CCDC18: variants seen among roughly 807,000 people sequenced by gnomAD.
The protein encoded by CCDC18 is coiled-coil domain containing 18, also known as coiled-coil domain-containing protein 18.
In CCDC18, 157 loss-of-function variants were observed where a neutral mutation model predicts 196.0. The observed-to-expected ratio is 0.80, with a 90% CI of 0.70 to 0.91. CCDC18 has a LOEUF of 0.91. Ranked by LOEUF, CCDC18 falls within the 40% of genes least tolerant of loss-of-function variation. CCDC18 has a pLI of 0.00. For missense variants in CCDC18, 1,465 were observed against 1,611.6 expected, an observed-to-expected ratio of 0.91 and a Z score of 1.56; for synonymous variants, 482 against 529.2, an observed-to-expected ratio of 0.91 and a Z score of 1.22.
At chr1:93,197,907 A>G (rs983527330) in intron 6 of CCDC18, among the ~76,000 whole-genome samples, 1 of 151,560 alleles carries the variant, frequency 6.6e-6, no homozygotes, top group African/African-American at 2.4e-5. Flanking sequence ...GCCCACCACC[A>G]TGCCTGGCTA....
chr1:93,234,973 G>GTGTGT (rs1557668666), intron 18 of CCDC18, among the ~76,000 whole-genome samples: 13 of 146,168 alleles, frequency 8.9e-5, no homozygotes, highest in East Asian at 2.0e-4. Flanking sequence ...GTGTGTGTGT[G>GTGTGT]GCTTTTCTTT....
intron 27 of CCDC18, among the ~76,000 whole-genome samples, chr1:93,265,791 A>G (rs2101375143): frequency 6.6e-6 from 1 of 152,342 alleles, no homozygotes. Context: ...CAGATTCATA[A>G]GTCAAGTCCT....
chr1:93,260,528 TG>T (rs1283911950), intron 26 of CCDC18, among the ~76,000 whole-genome samples: 1 of 152,180 alleles, frequency 6.6e-6, no homozygotes, highest in Non-Finnish European at 1.5e-5. Context: ...ATATATATGT[TG>T]TTTGAATATA....
intron 14 of CCDC18, among the ~76,000 whole-genome samples, chr1:93,220,740 C>T (rs536576517): frequency 6.6e-6 from 1 of 152,246 alleles, no homozygotes; most frequent in Admixed American, 6.5e-5. Context: ...AGGTATTGAG[C>T]CCAGCATCCA....
At chr1:93,204,239 CT>C (rs377560819) in intron 7 of CCDC18, among the ~76,000 whole-genome samples, 1 of 151,378 alleles carries the variant, frequency 6.6e-6, no homozygotes, top group Non-Finnish European at 1.5e-5. Context: ...AAGTGAGATT[CT>C]TTTTTTTAAT....
At chr1:93,203,901 A>T (rs1654269554) in intron 7 of CCDC18, among the ~76,000 whole-genome samples, 1 of 152,138 alleles carries the variant, frequency 6.6e-6, no homozygotes, top group Non-Finnish European at 1.5e-5. Flanking sequence ...ATAATCAGGG[A>T]GTCATTGGAT....
intron 9 of CCDC18, among the ~76,000 whole-genome samples, chr1:93,210,235 A>G (rs578178848): frequency 1.9e-3 from 285 of 152,310 alleles, no homozygotes; most frequent in African/African-American, 6.7e-3. Flanking sequence ...GCTCCTTTTT[A>G]TAACTGTCTT....
intron 14 of CCDC18, among the ~76,000 whole-genome samples, chr1:93,220,188 A>G (rs2102187865): frequency 6.6e-6 from 1 of 152,344 alleles, no homozygotes. Flanking sequence ...AAATTACTGC[A>G]GATTTCTCAT....
intron 26 of CCDC18, among the ~76,000 whole-genome samples, chr1:93,259,760 T>G (rs981664741): frequency 6.6e-6 from 1 of 152,224 alleles, no homozygotes; most frequent in African/African-American, 2.4e-5. Flanking sequence ...TGAATGCTGT[T>G]GGACTCAGCA....
chr1:93,190,717 C>A, intron 4 of CCDC18: 1 of 413,308 alleles, frequency 2.4e-6, no homozygotes, highest in Non-Finnish European at 4.4e-6. Flanking sequence ...TTATTGTCTT[C>A]ATAATAAAAC....
At position 93,239,321 on chromosome 1, in the gene CCDC18, T is replaced by C. The variant is rs147107883; in HGVS notation, c.2615T>C (p.Ile872Thr). 863 of 1,585,684 alleles carry C rather than the reference T, an allele frequency of 5.4e-4. 6 individuals carry two copies. The African/African-American group carries it at 8.4e-3, about 15-fold the overall frequency. The change falls in exon 20 of 29, where the codon ATT becomes ACT. Residue 872 changes from isoleucine (I) to threonine (T), a missense_variant. By Grantham distance (89) the Ile-to-Thr change is moderately conservative. Transcript: ENST00000690025. ...ELTGTARQVK[I>T]EMDQYKEELS... is the part of the protein sequence containing the mutation. ...TTGTTTTTAATTAGGCAAGTAAAGA[T>C]TGAGATGGATCAGTACAAAGAAGAG... is the stretch of plus-strand genomic sequence containing the variant.
At chr1:93,266,591 A>G (rs1664551762) in intron 27 of CCDC18, among the ~76,000 whole-genome samples, 1 of 152,216 alleles carries the variant, frequency 6.6e-6, no homozygotes, top group South Asian at 2.1e-4. Flanking sequence ...AATAGAGGCA[A>G]TAAAAAATGA....
chr1:93,258,778 C>A lies in CCDC18; in HGVS notation c.3577C>A (p.Leu1193Met). 1 of 1,577,842 alleles carries A rather than the reference C, an allele frequency of 6.3e-7. No individual in the cohort carries two copies. The highest frequency in any genetic ancestry group is 8.6e-7 in the Non-Finnish European group (1 of 1,163,610). ...TCATGGAAACCATTTAGCTGAAGAA[C>A]TGGGGGCTTCTAAAGTACGTGAAGC... ...DAHGNHLAEE[L>M]GASKVREAHL... The change falls in exon 26 of 29, where the codon CTG (leucine) becomes ATG (methionine). Residue 1193 changes from leucine (L) to methionine (M), a missense_variant. Coordinates refer to ENST00000690025, the MANE Select transcript of CCDC18 (RefSeq NM_001378204.1).
chr1:93,193,793 A>T (rs2815411), intron 6 of CCDC18, 49 bp downstream of exon 6: 1,174,571 of 1,412,146 alleles, frequency 0.83, 489,987 homozygotes, highest in East Asian at 1. Flanking sequence ...AATAAAAGGA[A>T]ATATTACCTA....
intron 26 of CCDC18, 136 bp downstream of exon 26, chr1:93,259,021 T>TA: frequency 1.4e-6 from 1 of 702,694 alleles, no homozygotes; most frequent in East Asian, 3.3e-5. Flanking sequence ...AGCCTAAACA[T>TA]ACAGCTTTCA....
intron 3 of CCDC18, among the ~76,000 whole-genome samples, chr1:93,186,061 T>C (rs1482785766): frequency 6.6e-6 from 1 of 151,918 alleles, no homozygotes; most frequent in Non-Finnish European, 1.5e-5. Flanking sequence ...TGTCTAGGGA[T>C]GATATTATTG....
Position 93,208,133 on chromosome 1 carries a change from G to A in CCDC18, c.1209+735G>A, listed in dbSNP as rs533039362. ...TCATTTCTCTTGGGTAGATACCTAG[G>A]AGTAGAATTCTTGGGTCATATGGTG... On this transcript the variant is annotated intron_variant, in intron 9 of 28. Transcript: ENST00000690025. Among the ~76,000 whole-genome samples the A allele has an allele frequency of 4.6e-5, 7 of 152,180 alleles. No individual in the cohort carries two copies. In the South Asian group the frequency reaches 1.5e-3, roughly 32 times the overall value.
intron 7 of CCDC18, 97 bp from the exon 8 acceptor site, chr1:93,205,413 T>C (rs1654558564): frequency 9.5e-7 from 1 of 1,048,714 alleles, no homozygotes; most frequent in Non-Finnish European, 1.4e-6. Context: ...CTTAGTCTAC[T>C]CTCCTGCTTA....
At position 93,239,427 on chromosome 1, in the gene CCDC18, G is replaced by C; in HGVS notation, c.2721G>C (p.Met907Ile). 6.2e-7 allele frequency: 1 copy of C among 1,612,948 alleles called. No homozygotes were observed. ...NKAMHLSQLDMILDQTKTELE... is the reference protein window; with the variant it reads ...NKAMHLSQLDIILDQTKTELE... ...CAATGCACCTCTCTCAATTAGATATGATCTTAGATCAGACAAAGACAGAGC... is the reference window on the plus strand; with the variant it reads ...CAATGCACCTCTCTCAATTAGATATCATCTTAGATCAGACAAAGACAGAGC... The change falls in exon 20 of 29, where the codon ATG becomes ATC. Residue 907 changes from methionine to isoleucine, a missense_variant. Coordinates refer to ENST00000690025, the MANE Select transcript of CCDC18 (RefSeq NM_001378204.1).
Sources: allele counts gnomAD v4.1 joint callset (sites outside exome capture counted in the v4.1 genomes callset), GRCh38; gene constraint gnomAD v4.1.1; transcripts MANE v1.5; gene names NCBI Gene and HGNC (gene_info 2026-07-23, HGNC 2026-07-21).